Variants in ANKS1B observed in about 807,000 individuals in gnomAD.
ANKS1B encodes the protein ankyrin repeat and sterile alpha motif domain containing 1B, also known as ankyrin repeat and sterile alpha motif domain-containing protein 1B.
ANKS1B carries 36 observed loss-of-function variants against 148.3 expected under a neutral mutation model. That is an observed-to-expected ratio of 0.24 (90% CI 0.19 to 0.32). The LOEUF (loss-of-function observed/expected upper bound fraction) is 0.32, where lower values mean the gene tolerates loss of function less well. Ranked by LOEUF, ANKS1B falls within the 10% of genes least tolerant of loss-of-function variation. The pLI, the probability that ANKS1B is intolerant of heterozygous loss-of-function variation, is 1.00. For missense variants in ANKS1B, 1,157 were observed against 1,542.6 expected, an observed-to-expected ratio of 0.75 and a Z score of 4.19; for synonymous variants, 542 against 560.8, an observed-to-expected ratio of 0.97 and a Z score of 0.47.
At chr12:99,789,699 A>G (rs1361646458) in intron 4 of ANKS1B, among the ~76,000 whole-genome samples, 1 of 152,046 alleles carries the variant, frequency 6.6e-6, no homozygotes, top group Non-Finnish European at 1.5e-5. Flanking sequence ...TTAAGAGCAG[A>G]ATTAGTCAAG....
At chr12:98,942,756 C>A (rs928350797) in intron 17 of ANKS1B, among the ~76,000 whole-genome samples, 1 of 152,194 alleles carries the variant, frequency 6.6e-6, no homozygotes, top group African/African-American at 2.4e-5. Context: ...GCATCAAACA[C>A]CCCAACTGAT....
At chr12:99,149,912 G>A (rs752116943) in intron 15 of ANKS1B, among the ~76,000 whole-genome samples, 2 of 152,174 alleles carry the variant, frequency 1.3e-5, no homozygotes, top group Non-Finnish European at 2.9e-5. Context: ...CTGTGGTGTA[G>A]TGTGTGTGCA....
intron 1 of ANKS1B, among the ~76,000 whole-genome samples, chr12:99,846,050 C>A (rs2086619679): frequency 6.6e-6 from 1 of 152,104 alleles, no homozygotes; most frequent in Non-Finnish European, 1.5e-5. Flanking sequence ...ACTACATCTG[C>A]TCTCCTTTTG....
At chr12:99,941,634 A>G (rs1383912975) in intron 1 of ANKS1B, among the ~76,000 whole-genome samples, 1 of 152,156 alleles carries the variant, frequency 6.6e-6, no homozygotes, top group Non-Finnish European at 1.5e-5. Flanking sequence ...CTCAGAGTTG[A>G]GAGTCAATCT....
intron 8 of ANKS1B, among the ~76,000 whole-genome samples, chr12:99,735,653 T>C (rs767283253): frequency 1.8e-4 from 27 of 152,144 alleles, no homozygotes; most frequent in Non-Finnish European, 3.7e-4. Flanking sequence ...TTGGACCAGA[T>C]GGCTTCACTG....
intron 9 of ANKS1B, among the ~76,000 whole-genome samples, chr12:99,634,929 C>T (rs2098217725): frequency 6.6e-6 from 1 of 151,788 alleles, no homozygotes; most frequent in Non-Finnish European, 1.5e-5. Context: ...ACAAAATAAC[C>T]CAGTTAAAAA....
chr12:99,779,737 G>A, intron 6 of ANKS1B, 134 bp downstream of exon 6: 2 of 642,476 alleles, frequency 3.1e-6, no homozygotes, highest in Middle Eastern at 8.3e-4. Flanking sequence ...TAGTTTAAAA[G>A]TCTACCAGAA....
intron 8 of ANKS1B, among the ~76,000 whole-genome samples, chr12:99,699,202 A>T (rs1166413799): frequency 6.6e-6 from 1 of 152,170 alleles, no homozygotes; most frequent in African/African-American, 2.4e-5. Flanking sequence ...GCATGTGTGC[A>T]CATGTGCACA....
intron 12 of ANKS1B, among the ~76,000 whole-genome samples, chr12:99,272,368 C>T (rs1226249118): frequency 6.6e-6 from 1 of 152,066 alleles, no homozygotes; most frequent in Non-Finnish European, 1.5e-5. Context: ...AAGCAAAAGA[C>T]AATTCTGGGA....
chr12:99,004,198 A>T (rs2099934739), intron 17 of ANKS1B, among the ~76,000 whole-genome samples: 1 of 152,172 alleles, frequency 6.6e-6, no homozygotes. Flanking sequence ...CTCCCAGCTG[A>T]TTGTTATATG....
chr12:99,804,712 C>T (rs190147635), intron 4 of ANKS1B, among the ~76,000 whole-genome samples: 3 of 152,284 alleles, frequency 2.0e-5, no homozygotes, highest in East Asian at 1.9e-4. Context: ...TTACAATTCA[C>T]GCCCTCTTCT....
At chr12:99,585,708 T>C (rs2097628551) in intron 9 of ANKS1B, among the ~76,000 whole-genome samples, 1 of 152,224 alleles carries the variant, frequency 6.6e-6, no homozygotes, top group Non-Finnish European at 1.5e-5. Context: ...ACCTCAATTC[T>C]TGTCTTGTGT....
intron 9 of ANKS1B, among the ~76,000 whole-genome samples, chr12:99,559,640 T>G (rs534683135): frequency 6.6e-6 from 1 of 152,316 alleles, no homozygotes; most frequent in South Asian, 2.1e-4. Flanking sequence ...CATAATTCAA[T>G]GAGGTAGGTT....
In ANKS1B at chr12:99,840,045, C is replaced by G. The variant is rs141160781; in HGVS notation, c.135-14656G>C. Among the ~76,000 whole-genome samples, 1,117 of 152,134 alleles carry G rather than the reference C, an allele frequency of 7.3e-3. 12 individuals are homozygous for G. The highest frequency in any genetic ancestry group is 0.025 in the African/African-American group (1,053 of 41,534). On this transcript the variant is annotated intron_variant, in intron 1 of 26. Transcript: ENST00000683438. ...AACACAGCAGTTGGAGAAGGCTGTA[C>G]AGAAAAAAGACAAAAATTCCTGCCC...
intron 1 of ANKS1B, among the ~76,000 whole-genome samples, chr12:99,982,170 C>G (rs1429144256): frequency 6.6e-6 from 1 of 151,964 alleles, no homozygotes; most frequent in East Asian, 1.9e-4. Context: ...CTTTTGTTTT[C>G]TATGTGCAAT....
chr12:99,770,181 G>A (rs75366023), intron 8 of ANKS1B, among the ~76,000 whole-genome samples: 4,172 of 152,224 alleles, frequency 0.027, 214 homozygotes, highest in African/African-American at 0.096. Context: ...CTTAATAAGC[G>A]ACTTAAATCA....
intron 14 of ANKS1B, among the ~76,000 whole-genome samples, chr12:99,182,212 C>A (rs2079195435): frequency 6.6e-6 from 1 of 152,090 alleles, no homozygotes; most frequent in South Asian, 2.1e-4. Context: ...TGAGAACTTG[C>A]TATCATGAGA....
chr12:99,681,513 A>G (rs2098616922), intron 8 of ANKS1B, among the ~76,000 whole-genome samples: 1 of 151,970 alleles, frequency 6.6e-6, no homozygotes, highest in Non-Finnish European at 1.5e-5. Flanking sequence ...ACATCACAGG[A>G]CTCTTTGCAG....
chr12:99,161,218 C>T (rs993137714), intron 14 of ANKS1B, among the ~76,000 whole-genome samples: 28 of 152,116 alleles, frequency 1.8e-4, no homozygotes, highest in Admixed American at 3.3e-4. Context: ...ACAGAGTGTG[C>T]GGAAGTTTAA....
Sources: allele counts gnomAD v4.1 joint callset (sites outside exome capture counted in the v4.1 genomes callset), GRCh38; gene constraint gnomAD v4.1.1; transcripts MANE v1.5; gene names NCBI Gene and HGNC (gene_info 2026-07-23, HGNC 2026-07-21).